The following GPR158 variants were observed in gnomAD, a reference collection of about 807,000 sequenced individuals.
GPR158 encodes metabotropic glycine receptor.
Under a neutral mutation model 78.2 loss-of-function variants are expected in GPR158, and 30 were observed. The observed-to-expected ratio is 0.38, with a 90% confidence interval of 0.29 to 0.52. The LOEUF (loss-of-function observed/expected upper bound fraction) is 0.52. Ranked by LOEUF, GPR158 falls within the 20% of genes least tolerant of loss-of-function variation. The pLI is 0.83. For missense variants in GPR158, 1,463 were observed against 1,523.5 expected, an observed-to-expected ratio of 0.96 and a Z score of 0.66; for synonymous variants, 581 against 591.1, an observed-to-expected ratio of 0.98 and a Z score of 0.25.
At chr10:25,246,952 A>G (rs1398261636) in intron 2 of GPR158, among the ~76,000 whole-genome samples, 1 of 152,228 alleles carries the variant, frequency 6.6e-6, no homozygotes, top group Non-Finnish European at 1.5e-5. Flanking sequence ...GTATTAATCT[A>G]AATTAACAGA....
chr10:25,237,680 C>G (rs957863139), intron 2 of GPR158, among the ~76,000 whole-genome samples: 7 of 152,124 alleles, frequency 4.6e-5, no homozygotes, highest in African/African-American at 7.2e-5. Context: ...AATGAACAGG[C>G]ACATGATACC....
At chr10:25,311,446 T>C (rs1270128671) in intron 2 of GPR158, among the ~76,000 whole-genome samples, 1 of 151,992 alleles carries the variant, frequency 6.6e-6, no homozygotes, top group Non-Finnish European at 1.5e-5. Context: ...GCCTTTATTA[T>C]AACATTATAT....
Position 25,598,023 on chromosome 10 carries a change from A to G in GPR158, c.2397A>G (p.Thr799=). 1 of 1,614,126 alleles carries G rather than the reference A, an allele frequency of 6.2e-7. No homozygotes were observed. Among genetic ancestry groups the G allele is most frequent in the Non-Finnish European group, 8.5e-7 (1 of 1,180,014 alleles). ...ACCCCCCAGAGTCTTCAGGGAACAC[A>G]GGGAAATCCAAGGAGGAGACCCTGA... ...RKNPPESSGN[T]GKSKEETLKN... Residue 799 remains threonine (T), a synonymous_variant, in exon 11 of 11, where the codon ACA becomes ACG. Coordinates refer to ENST00000376351, the MANE Select transcript of GPR158 (RefSeq NM_020752.3).
chr10:25,475,419 T>C (rs1588879877), intron 5 of GPR158: 1 of 152,032 alleles, frequency 6.6e-6, no homozygotes, highest in Admixed American at 6.6e-5. Context: ...TGTACCTTGG[T>C]TTTTAATTTA....
chr10:25,549,247 G>C (rs1836700162), intron 5 of GPR158, among the ~76,000 whole-genome samples: 1 of 152,054 alleles, frequency 6.6e-6, no homozygotes, highest in Admixed American at 6.6e-5. Flanking sequence ...TCAATCTTCT[G>C]TCAAGGTTTC....
At chr10:25,206,408 C>A (rs1427934521) in intron 1 of GPR158, among the ~76,000 whole-genome samples, 1 of 152,080 alleles carries the variant, frequency 6.6e-6, no homozygotes, top group Non-Finnish European at 1.5e-5. Context: ...CTCTAAAGGA[C>A]TTTCAAGCAG....
chr10:25,411,284 A>C lies in GPR158; in HGVS notation c.1112-966A>C, dbSNP rs144048843. ...AAGTGAATAGTGTGAAAATGTCCTA[A>C]GAGCTTGCAAAGTGGGAAATTACAT... On this transcript the variant is annotated intron_variant, in intron 3 of 10. Coordinates refer to ENST00000376351, the MANE Select transcript of GPR158 (RefSeq NM_020752.3). Among the ~76,000 whole-genome samples, 304 of 152,280 alleles carry C rather than the reference A, an allele frequency of 2.0e-3. 1 individual carries two copies. The highest frequency in any genetic ancestry group is 6.9e-3 in the African/African-American group (286 of 41,574).
chr10:25,223,344 G>T (rs1853326503), intron 2 of GPR158, among the ~76,000 whole-genome samples: 1 of 152,150 alleles, frequency 6.6e-6, no homozygotes, highest in African/African-American at 2.4e-5. Context: ...TGGGAAGAAA[G>T]AATCTTTGTG....
At chr10:25,566,011 T>C (rs1836924468) in intron 6 of GPR158, among the ~76,000 whole-genome samples, 1 of 152,096 alleles carries the variant, frequency 6.6e-6, no homozygotes, top group Non-Finnish European at 1.5e-5. Flanking sequence ...AGGCAGTAAA[T>C]TATTTTGTGA....
At chr10:25,313,724 G>T (rs1854803516) in intron 2 of GPR158, among the ~76,000 whole-genome samples, 1 of 152,122 alleles carries the variant, frequency 6.6e-6, no homozygotes, top group Non-Finnish European at 1.5e-5. Context: ...TATAGAATTA[G>T]ATTCAGTTTG....
At chr10:25,281,850 A>G (rs1180181258) in intron 2 of GPR158, among the ~76,000 whole-genome samples, 2 of 152,216 alleles carry the variant, frequency 1.3e-5, no homozygotes, top group African/African-American at 2.4e-5. Context: ...ATAATTTCCA[A>G]TGACATTTTT....
At chr10:25,399,222 G>A (rs824596) in intron 3 of GPR158, among the ~76,000 whole-genome samples, 123,952 of 151,930 alleles carry the variant, frequency 0.82, 51,591 homozygotes, top group Non-Finnish European at 0.87. Flanking sequence ...TCATGAGAAT[G>A]GCATAGGGGA....
At chr10:25,187,614 G>T (rs1397176734) in intron 1 of GPR158, among the ~76,000 whole-genome samples, 2 of 152,058 alleles carry the variant, frequency 1.3e-5, no homozygotes, top group Non-Finnish European at 2.9e-5. Context: ...AATAAACTAG[G>T]TATTGATGGG....
intron 1 of GPR158, among the ~76,000 whole-genome samples, chr10:25,217,648 G>A (rs1320539058): frequency 6.6e-6 from 1 of 152,188 alleles, no homozygotes; most frequent in Non-Finnish European, 1.5e-5. Flanking sequence ...CAAGATACAA[G>A]AAGCACAAAG....
intron 2 of GPR158, among the ~76,000 whole-genome samples, chr10:25,317,732 T>TTTG (rs1314990471): frequency 2.1e-5 from 3 of 140,600 alleles, no homozygotes; most frequent in South Asian, 2.2e-4. Flanking sequence ...TTTTGTTTTG[T>TTTG]TTTGTTTTGT....
chr10:25,310,212 C>T (rs888835148), intron 2 of GPR158, among the ~76,000 whole-genome samples: 4 of 152,228 alleles, frequency 2.6e-5, no homozygotes, highest in South Asian at 4.1e-4. Context: ...TGACCATATA[C>T]GTAAAGGTTC....
chr10:25,390,128 G>A (rs1202818791), intron 2 of GPR158, among the ~76,000 whole-genome samples: 1 of 152,164 alleles, frequency 6.6e-6, no homozygotes, highest in African/African-American at 2.4e-5. Context: ...ATGTGGAACT[G>A]TGAGTCTTTT....
intron 5 of GPR158, among the ~76,000 whole-genome samples, chr10:25,482,725 G>T (rs1835677825): frequency 6.6e-6 from 1 of 152,020 alleles, no homozygotes; most frequent in Non-Finnish European, 1.5e-5. Flanking sequence ...TTGAATTCCA[G>T]ACTTGTATGT....
In GPR158 at chr10:25,600,598, T is replaced by C. The variant is rs1350712102; in HGVS notation, c.*1324T>C. On this transcript the variant is annotated 3_prime_UTR_variant, in exon 11 of 11. Transcript: ENST00000376351. ...AAGTATTTATTCTCATAAACTCTTA[T>C]TCATTGCTTCAGCTACAGGTAGAAC... 1 of 152,612 alleles carries C rather than the reference T, an allele frequency of 6.6e-6. No individual in the cohort carries two copies. Among genetic ancestry groups the C allele is most frequent in the African/African-American group, 2.4e-5 (1 of 41,466 alleles). 9.5% of individuals were successfully genotyped at this position (152,612 alleles called of 1,614,324 possible). A position where few individuals can be genotyped will look rare whatever the true frequency, so the allele number is the denominator to read the frequency against.
Sources: gnomAD v4.1 joint callset for allele counts (sites outside exome capture counted in the v4.1 genomes callset) on GRCh38, gnomAD v4.1.1 for gene constraint, MANE v1.5 for transcripts, NCBI Gene and HGNC (gene_info 2026-07-23, HGNC 2026-07-21) for gene names.